The following ELAVL2 variants were observed in gnomAD, a reference collection of about 807,000 sequenced individuals.
ELAVL2 encodes the protein ELAV like RNA binding protein 2, also known as ELAV-like protein 2.
In ELAVL2, 4 loss-of-function variants were observed where a neutral mutation model predicts 34.6. That is an observed-to-expected ratio of 0.12 (90% CI 0.06 to 0.26). The LOEUF is 0.26. ELAVL2 is among the 10% of genes least tolerant of loss of function. The pLI, the probability that ELAVL2 is intolerant of heterozygous loss-of-function variation, is 1.00. For synonymous variants in ELAVL2, 193 were observed against 154.8 expected, an observed-to-expected ratio of 1.25 and a Z score of -1.83; for missense variants, 432 against 442.8, an observed-to-expected ratio of 0.98 and a Z score of 0.22.
intron 1 of ELAVL2, among the ~76,000 whole-genome samples, chr9:23,781,786 C>T (rs1001204115): frequency 3.3e-5 from 5 of 152,166 alleles, no homozygotes; most frequent in Admixed American, 6.5e-5. Flanking sequence ...CTCTGCCTCC[C>T]GGGTTCACAC....
chr9:23,710,138 G>C (rs1297647745), intron 3 of ELAVL2, among the ~76,000 whole-genome samples: 5 of 152,148 alleles, frequency 3.3e-5, no homozygotes, highest in Admixed American at 2.6e-4. Context: ...ATTGAATTAT[G>C]TCTTGAAAAT....
At chr9:23,756,480 A>G (rs1461171667) in intron 2 of ELAVL2, among the ~76,000 whole-genome samples, 1 of 152,164 alleles carries the variant, frequency 6.6e-6, no homozygotes, top group Non-Finnish European at 1.5e-5. Flanking sequence ...CTACTCCTCT[A>G]GCCATTCTTT....
rs559963099 is a variant in ELAVL2 at position 23,792,062 on chromosome 9, A to G, written c.-15-29813T>C. ...TGCAAGATCGATACACATTCAGTAG[A>G]AACAGCACTTCAAGTAACTACACCA... On this transcript the variant is annotated intron_variant, in intron 1 of 6. Transcript: ENST00000397312. Among the ~76,000 whole-genome samples, 3 of 152,294 alleles carry G rather than the reference A, an allele frequency of 2.0e-5. No individual in the cohort carries two copies. In the South Asian group the frequency reaches 6.2e-4, roughly 32 times the overall value.
At chr9:23,776,907 T>G (rs2058293285) in intron 1 of ELAVL2, among the ~76,000 whole-genome samples, 1 of 152,184 alleles carries the variant, frequency 6.6e-6, no homozygotes. Flanking sequence ...GCATTGATAC[T>G]GAACATTAAA....
chr9:23,694,195 C>T (rs1323975832), intron 5 of ELAVL2, among the ~76,000 whole-genome samples: 1 of 150,854 alleles, frequency 6.6e-6, no homozygotes, highest in South Asian at 2.1e-4. Flanking sequence ...AATTACGCTA[C>T]AGGAAGTGTC....
intron 2 of ELAVL2, among the ~76,000 whole-genome samples, chr9:23,744,281 A>C (rs2049980095): frequency 6.6e-6 from 1 of 152,202 alleles, no homozygotes; most frequent in Non-Finnish European, 1.5e-5. Flanking sequence ...ACAATGTAGA[A>C]TGCCATACAA....
upstream of ELAVL2, chr9:23,826,367 C>G (rs76045379): frequency 3.9e-5 from 6 of 152,352 alleles, no homozygotes; most frequent in South Asian, 2.1e-4. Flanking sequence ...CGGAAGTATA[C>G]GCCGAATCGC....
At chr9:23,731,750 A>G (rs2046615357) in intron 2 of ELAVL2, among the ~76,000 whole-genome samples, 1 of 152,192 alleles carries the variant, frequency 6.6e-6, no homozygotes, top group Non-Finnish European at 1.5e-5. Context: ...ATGAACACAA[A>G]AGACTTACAG....
the ELAVL2 span, among the ~76,000 whole-genome samples, chr9:23,840,412 C>T: frequency 1.4e-5 from 2 of 147,632 alleles, no homozygotes; most frequent in African/African-American, 2.4e-5. Flanking sequence ...GTATGAAAAG[C>T]TCCACAGGTG....
intron 1 of ELAVL2, among the ~76,000 whole-genome samples, chr9:23,778,026 G>C (rs913975114): frequency 3.9e-5 from 6 of 152,108 alleles, no homozygotes; most frequent in Admixed American, 2.0e-4. Context: ...ATATACCTAA[G>C]GGCATGGTGA....
At chr9:23,728,137 TCTGA>T (rs2045695313) in intron 3 of ELAVL2, among the ~76,000 whole-genome samples, 1 of 152,032 alleles carries the variant, frequency 6.6e-6, no homozygotes, top group Non-Finnish European at 1.5e-5. Flanking sequence ...AGATCTCCAC[TCTGA>T]CTGTGGACAG....
At chr9:23,751,782 T>C (rs2052115257) in intron 2 of ELAVL2, among the ~76,000 whole-genome samples, 1 of 152,170 alleles carries the variant, frequency 6.6e-6, no homozygotes, top group South Asian at 2.1e-4. Context: ...TGAGAGCACC[T>C]TCATATTTTA....
intron 3 of ELAVL2, among the ~76,000 whole-genome samples, chr9:23,723,794 T>C (rs1043439925): frequency 2.6e-5 from 4 of 152,124 alleles, no homozygotes; most frequent in African/African-American, 9.7e-5. Flanking sequence ...TGAGCTGTTA[T>C]AAGGGTTCTG....
chr9:23,804,318 G>A (rs1327448508), intron 1 of ELAVL2, among the ~76,000 whole-genome samples: 1 of 151,972 alleles, frequency 6.6e-6, no homozygotes, highest in Non-Finnish European at 1.5e-5. Context: ...ATCTACACCT[G>A]AGAGGTTAAC....
intron 2 of ELAVL2, among the ~76,000 whole-genome samples, chr9:23,737,656 G>C (rs913295280): frequency 4.6e-5 from 7 of 152,154 alleles, no homozygotes; most frequent in African/African-American, 1.4e-4. Context: ...CCTGGTAGTT[G>C]AATCAACAAT....
chr9:23,765,212 T>G, intron 1 of ELAVL2: 1 of 906,282 alleles, frequency 1.1e-6, no homozygotes, highest in Non-Finnish European at 1.6e-6. Context: ...GTCCATGCAG[T>G]GTGGCTTAAT....
At chr9:23,739,360 G>T (rs2048609391) in intron 2 of ELAVL2, among the ~76,000 whole-genome samples, 1 of 152,082 alleles carries the variant, frequency 6.6e-6, no homozygotes, top group Non-Finnish European at 1.5e-5. Flanking sequence ...CTGCCACCAG[G>T]ATAGAGCAAA....
At chr9:23,789,356 G>A (rs566877276) in intron 1 of ELAVL2, among the ~76,000 whole-genome samples, 1 of 152,292 alleles carries the variant, frequency 6.6e-6, no homozygotes, top group East Asian at 1.9e-4. Flanking sequence ...TTCACAAATA[G>A]TGAATTTATA....
chr9:23,759,834 T>A, intron 2 of ELAVL2, among the ~76,000 whole-genome samples: 1 of 140,664 alleles, frequency 7.1e-6, no homozygotes, highest in South Asian at 2.3e-4. Flanking sequence ...CTTTCAATAC[T>A]CATGACCATT....
Sources: gnomAD v4.1 joint callset for allele counts (sites outside exome capture counted in the v4.1 genomes callset) on GRCh38, gnomAD v4.1.1 for gene constraint, MANE v1.5 for transcripts, NCBI Gene and HGNC (gene_info 2026-07-23, HGNC 2026-07-21) for gene names.